Variants in VPS13B observed in about 807,000 individuals in gnomAD.
VPS13B encodes intermembrane lipid transfer protein VPS13B.
A neutral mutation model predicts 426.4 loss-of-function variants in VPS13B; 285 were observed. The ratio of observed to expected loss-of-function variants is 0.67; its 90% confidence interval spans 0.61 to 0.74. The LOEUF is 0.74. VPS13B is among the 30% of genes least tolerant of loss of function. The pLI, the probability that VPS13B is intolerant of heterozygous loss-of-function variation, is 0.00. For synonymous variants in VPS13B, 1,676 were observed against 1,676.4 expected (o/e 1.00, Z 0.01); for missense variants, 4,537 against 4,782.6 (o/e 0.95, Z 1.51).
chr8:99,314,426 G>A (rs1653786726), intron 19 of VPS13B, among the ~76,000 whole-genome samples: 1 of 152,080 alleles, frequency 6.6e-6, no homozygotes, highest in African/African-American at 2.4e-5. Flanking sequence ...GTAAATGTTT[G>A]TAAGGTCCAT....
At position 99,808,295 on chromosome 8, in the gene VPS13B, C is replaced by T. The variant is rs760361572; in HGVS notation, c.7942-1080C>T. Among the ~76,000 whole-genome samples, 11 of 151,958 alleles carry T rather than the reference C, an allele frequency of 7.2e-5. No homozygotes were observed. The East Asian group carries it at 1.2e-3, about 16-fold the overall frequency. On this transcript the variant is annotated intron_variant, in intron 43 of 61. Coordinates refer to ENST00000357162, the MANE Select transcript of VPS13B (RefSeq NM_152564.5). ...TAGCACTTTGGGAGGCCGAGGCAAG[C>T]GATCTTGAGGTCAAGAGATCGAGAC...
intron 42 of VPS13B, 48 bp downstream of exon 42, chr8:99,779,079 T>C: frequency 6.5e-7 from 1 of 1,527,560 alleles, no homozygotes; most frequent in Non-Finnish European, 9.1e-7. Flanking sequence ...TATGATCTTT[T>C]ATTAGGTTCT....
intron 33 of VPS13B, among the ~76,000 whole-genome samples, chr8:99,626,253 C>T (rs1828608296): frequency 6.6e-6 from 1 of 152,128 alleles, no homozygotes; most frequent in Admixed American, 6.5e-5. Flanking sequence ...TAGAATATTA[C>T]TTGACCACAA....
At chr8:99,444,333 G>A (rs1178784308) in intron 23 of VPS13B, among the ~76,000 whole-genome samples, 2 of 152,086 alleles carry the variant, frequency 1.3e-5, no homozygotes, top group African/African-American at 2.4e-5. Context: ...TCCTGACCTC[G>A]TGATCCACCC....
At chr8:99,461,434 C>T (rs1311196070) in intron 23 of VPS13B, among the ~76,000 whole-genome samples, 1 of 152,172 alleles carries the variant, frequency 6.6e-6, no homozygotes, top group Non-Finnish European at 1.5e-5. Flanking sequence ...TTTCTTCTTA[C>T]ATTCCTGACA....
At chr8:99,356,324 C>T (rs1812179396) in intron 19 of VPS13B, among the ~76,000 whole-genome samples, 1 of 152,028 alleles carries the variant, frequency 6.6e-6, no homozygotes, top group South Asian at 2.1e-4. Flanking sequence ...TCTCTCCTAC[C>T]ACCCTAAAAA....
chr8:99,397,577 A>G lies in VPS13B; in HGVS notation c.3082+5873A>G, dbSNP rs1473845258. 2.0e-5 allele frequency among the ~76,000 whole-genome samples: 3 copies of G among 152,340 alleles called. No individual in the cohort carries two copies. The East Asian group carries it at 5.8e-4, about 29-fold the overall frequency. Reference sequence around the variant, plus strand: ...AAAATATCAGACTACTCTAAATAACAGTGCTTTAAACAAGATCCAATTTTG... The same window carrying G: ...AAAATATCAGACTACTCTAAATAACGGTGCTTTAAACAAGATCCAATTTTG... On this transcript the variant is annotated intron_variant, in intron 21 of 61. Transcript: ENST00000357162.
intron 16 of VPS13B, among the ~76,000 whole-genome samples, chr8:99,180,850 A>G (rs1003284830): frequency 1.3e-5 from 2 of 152,126 alleles, no homozygotes; most frequent in Non-Finnish European, 2.9e-5. Context: ...TTTAGCCTTA[A>G]TAGTAGAGAA....
At chr8:99,247,095 A>G (rs1817265107) in intron 17 of VPS13B, among the ~76,000 whole-genome samples, 1 of 152,128 alleles carries the variant, frequency 6.6e-6, no homozygotes, top group African/African-American at 2.4e-5. Context: ...ATGTTCGTTA[A>G]TTGACTCTAG....
intron 55 of VPS13B, 82 bp from the exon 56 acceptor site, chr8:99,853,369 A>G: frequency 7.1e-7 from 1 of 1,415,928 alleles, no homozygotes; most frequent in Middle Eastern, 1.9e-4. Context: ...GGTATTTAAT[A>G]GGGTACTGTC....
intron 60 of VPS13B, chr8:99,871,185 C>CT: frequency 1.6e-6 from 1 of 612,236 alleles, no homozygotes; most frequent in Non-Finnish European, 2.8e-6. Context: ...AACCAGCACT[C>CT]TAATTAGAGG....
intron 3 of VPS13B, among the ~76,000 whole-genome samples, chr8:99,039,551 T>C (rs1842886503): frequency 6.6e-6 from 1 of 151,760 alleles, no homozygotes; most frequent in African/African-American, 2.4e-5. Context: ...TTAGGTTTTT[T>C]TTTTTTTTTA....
chr8:99,519,940 TAAAGTA>T (rs1171995589), intron 29 of VPS13B, among the ~76,000 whole-genome samples: 1 of 152,096 alleles, frequency 6.6e-6, no homozygotes, highest in Non-Finnish European at 1.5e-5. Flanking sequence ...CCCTAGAACT[TAAAGTA>T]TAATAAAAAA....
At chr8:99,407,972 A>G (rs1417229897) in intron 21 of VPS13B, among the ~76,000 whole-genome samples, 6 of 152,172 alleles carry the variant, frequency 3.9e-5, no homozygotes, top group African/African-American at 1.2e-4. Flanking sequence ...CCCTTCTGCT[A>G]TGTTCTTCAA....
In VPS13B at chr8:99,809,276, T is replaced by C. The variant is rs563903365; in HGVS notation, c.7942-99T>C. The C allele has an allele frequency of 2.7e-6, 4 of 1,489,172 alleles. 1 individual carries two copies. In the South Asian group the frequency reaches 4.6e-5, roughly 17 times the overall value. 92.2% of individuals were successfully genotyped at this position (1,489,172 alleles called of 1,614,324 possible). ...TTAGAAAGAAAACAGATGCAAAATA[T>C]TACAAATGGAAAGGTTTTCCAGCAA... On this transcript the variant is annotated intron_variant, in intron 43 of 61. Transcript: ENST00000357162.
chr8:99,657,470 T>TGTGTGTGTGTGTGTGTGTGTGTGTGTGTG (rs60760111), intron 34 of VPS13B, among the ~76,000 whole-genome samples: 1 of 146,908 alleles, frequency 6.8e-6, no homozygotes, highest in Non-Finnish European at 1.5e-5. Context: ...ACTTTAAAAA[T>TGTGTGTGTGTGTGTGTGTGTGTGTGTGTG]TGTGTGTGTG....
chr8:99,096,583 A>G (rs1383027384), intron 4 of VPS13B, 151 bp downstream of exon 4: 9 of 1,109,976 alleles, frequency 8.1e-6, no homozygotes, highest in Non-Finnish European at 1.2e-5. Context: ...TGGTGAAGCC[A>G]TGTCTCTGCT....
At chr8:99,604,495 GTTTTT>G (rs767971168) in intron 33 of VPS13B, among the ~76,000 whole-genome samples, 2 of 115,260 alleles carry the variant, frequency 1.7e-5, no homozygotes, top group African/African-American at 3.3e-5. Flanking sequence ...TTTCCTTGGT[GTTTTT>G]TTTTTTTTTT....
At chr8:99,811,485 C>G (rs779096067) in intron 44 of VPS13B, among the ~76,000 whole-genome samples, 3 of 152,130 alleles carry the variant, frequency 2.0e-5, no homozygotes, top group Non-Finnish European at 4.4e-5. Flanking sequence ...CCCAGAGTTT[C>G]AGATTGGGTG....
Sources: allele counts gnomAD v4.1 joint callset (sites outside exome capture counted in the v4.1 genomes callset), GRCh38; gene constraint gnomAD v4.1.1; transcripts MANE v1.5; gene names NCBI Gene and HGNC (gene_info 2026-07-23, HGNC 2026-07-21).